The following CTBS variants were observed in gnomAD, a reference collection of about 807,000 sequenced individuals.
CTBS encodes the protein di-N-acetylchitobiase.
A neutral mutation model predicts 44.3 loss-of-function variants in CTBS; 35 were observed. The observed-to-expected ratio is 0.79, with a 90% CI of 0.60 to 1.05. The LOEUF is 1.05. CTBS is among the 50% of genes least tolerant of loss of function. The probability of loss-of-function intolerance (pLI) is 0.00; values close to 1 mark genes in which losing one functional copy is unlikely to be tolerated. For synonymous variants in CTBS, 143 were observed against 168.0 expected, an observed-to-expected ratio of 0.85 and a Z score of 1.15; for missense variants, 458 against 475.3, an observed-to-expected ratio of 0.96 and a Z score of 0.34.
Position 84,563,355 on chromosome 1 carries a change from G to A in CTBS, c.859C>T (p.Arg287Cys), listed in dbSNP as rs77922958. The change falls in exon 6 of 7, where the codon CGT (arginine) becomes TGT (cysteine). Residue 287 changes from arginine (R) to cysteine (C), a missense_variant. Transcript: ENST00000370630. ...ATGATCGTTTTGTAGGGCACCTGAC[G>A]TCCTGCAGCGTCACTACAAGGAGCC... ...RGAPCSDAAG[R>C]QVPYKTIMKQ... 132 of 1,595,156 alleles carry A rather than the reference G, an allele frequency of 8.3e-5. No homozygotes were observed. The highest frequency in any genetic ancestry group is 4.8e-4 in the East Asian group (21 of 43,440).
At chr1:84,556,946 T>C (rs1684449337) in intron 6 of CTBS, among the ~76,000 whole-genome samples, 1 of 152,208 alleles carries the variant, frequency 6.6e-6, no homozygotes, top group African/African-American at 2.4e-5. Context: ...TGACAGATTA[T>C]TGAAGATTCA....
intron 1 of CTBS, chr1:84,573,813 C>T (rs1335549850): frequency 1.5e-5 from 14 of 912,802 alleles, no homozygotes; most frequent in Non-Finnish European, 1.7e-5. Flanking sequence ...GTATAGAAAA[C>T]TAAAGGTAAG....
In CTBS at chr1:84,551,057, G is replaced by T; in HGVS notation, c.*3942C>A. On this transcript the variant is annotated 3_prime_UTR_variant, in exon 7 of 7. Transcript: ENST00000370630. The stretch of plus-strand genomic sequence containing the variant: ...GGACCTTTTGTATAGCAGATGCTTA[G>T]TAGAGGCTTCTGGGCATGCTCTATT... 3 of 985,250 alleles carry T rather than the reference G, an allele frequency of 3.0e-6. No homozygotes were observed. Among genetic ancestry groups the T allele is most frequent in the Non-Finnish European group, 2.4e-6 (2 of 829,858 alleles). The allele number at this position is 985,250 out of a possible 1,614,324, so 61.0% of individuals were successfully genotyped here.
intron 6 of CTBS, among the ~76,000 whole-genome samples, chr1:84,556,942 ATTATTGAAGAT>A (rs1684449095): frequency 6.6e-6 from 1 of 152,200 alleles, no homozygotes; most frequent in Admixed American, 6.5e-5. Flanking sequence ...AATATGACAG[ATTATTGAAGAT>A]TCAGGGGCAA....
Position 84,555,203 on chromosome 1 carries a change from T to A in CTBS, c.958-4A>T, listed in dbSNP as rs1185257545. 6.3e-7 allele frequency: 1 copy of A among 1,598,190 alleles called. No individual in the cohort carries two copies. The highest frequency in any genetic ancestry group is 1.3e-5 in the African/African-American group (1 of 74,086). Reference sequence around the variant, plus strand: ...GATGAAAGTGGCCAGCAGGATCCTATATAAATAAATTAAAATGGAGATTTT... The same window carrying A: ...GATGAAAGTGGCCAGCAGGATCCTAAATAAATAAATTAAAATGGAGATTTT... On this transcript the variant is annotated splice_polypyrimidine_tract_variant and splice_region_variant and intron_variant, in intron 6 of 6. Transcript: ENST00000370630.
chr1:84,571,187 TGG>T (rs896585602), intron 1 of CTBS, among the ~76,000 whole-genome samples: 41 of 152,062 alleles, frequency 2.7e-4, no homozygotes, highest in African/African-American at 9.9e-4. Context: ...TCAGCTGCAG[TGG>T]GAAAAGGATT....
At chr1:84,562,726 T>G (rs1352115455) in intron 6 of CTBS, among the ~76,000 whole-genome samples, 2 of 152,194 alleles carry the variant, frequency 1.3e-5, no homozygotes, top group African/African-American at 4.8e-5. Context: ...TTTCTTCAGG[T>G]TTCCTTTATG....
Position 84,549,646 on chromosome 1 carries a change from C to A in CTBS, c.*5353G>T, listed in dbSNP as rs533351974. 3 of 151,802 alleles carry A rather than the reference C, an allele frequency of 2.0e-5. No individual in the cohort carries two copies. Among genetic ancestry groups the A allele is most frequent in the African/African-American group, 7.3e-5 (3 of 41,338 alleles). The allele number at this position is 151,802 out of a possible 1,614,324, so 9.4% of individuals were successfully genotyped here. ...GAAGTTTATTTTATTATTAATTCCACCATATAATTAAATAACAGACAAAAA... is the reference window on the plus strand; with the variant it reads ...GAAGTTTATTTTATTATTAATTCCAACATATAATTAAATAACAGACAAAAA... On this transcript the variant is annotated 3_prime_UTR_variant, in exon 7 of 7. Coordinates refer to ENST00000370630, the MANE Select transcript of CTBS (RefSeq NM_004388.3).
At position 84,570,585 on chromosome 1, in the gene CTBS, T is replaced by C; in HGVS notation, c.313A>G (p.Lys105Glu). ...CATAGATCTGGAAACAACATACCTT[T>C]AAGTACTACTCTGGCTCCTTTTGAA... ...AHSKGARVVL[K>E]GDVSLKDIID... The change falls in exon 2 of 7, where the codon AAA (lysine) becomes GAA (glutamate). Residue 105 changes from lysine to glutamate, a missense_variant. By Grantham distance (56) the Lys-to-Glu change is moderately conservative. Coordinates refer to ENST00000370630, the MANE Select transcript of CTBS (RefSeq NM_004388.3). The C allele has an allele frequency of 1.2e-6, 2 of 1,610,434 alleles. No homozygotes were observed. The highest frequency in any genetic ancestry group is 8.5e-7 in the Non-Finnish European group (1 of 1,177,944).
Position 84,573,834 on chromosome 1 carries a change from T to TAA in CTBS, c.177+404_177+405insTT, listed in dbSNP as rs1647384767. On this transcript the variant is annotated intron_variant, in intron 1 of 6. Transcript: ENST00000370630. The stretch of plus-strand genomic sequence containing the variant: ...AAAACTAAAGGTAAGCAAAATACTC[T>TAA]GCATTCTAATGTACTGTTGGAGTGC... 4 of 997,820 alleles carry TAA rather than the reference T, an allele frequency of 4.0e-6. No homozygotes were observed. In the Admixed American group the frequency reaches 2.3e-4, roughly 57 times the overall value. 61.8% of individuals were successfully genotyped at this position (997,820 alleles called of 1,614,324 possible). A position where few individuals can be genotyped will look rare whatever the true frequency, so the allele number is the denominator to read the frequency against.
intron 2 of CTBS, 43 bp from the exon 3 acceptor site, chr1:84,570,182 AT>A: frequency 6.5e-7 from 1 of 1,526,996 alleles, no homozygotes; most frequent in South Asian, 1.2e-5. Flanking sequence ...ATGCAAAAAC[AT>A]TTCATTATTT....
intron 6 of CTBS, among the ~76,000 whole-genome samples, chr1:84,559,477 C>T (rs1684547144): frequency 6.6e-6 from 1 of 152,016 alleles, no homozygotes; most frequent in African/African-American, 2.4e-5. Context: ...AAAAAATTAG[C>T]CGGGCATGGT....
At chr1:84,570,168 ATGTATGC>A in intron 2 of CTBS, 29 bp from the exon 3 acceptor site, 1 of 1,565,198 alleles carries the variant, frequency 6.4e-7, no homozygotes, top group Admixed American at 1.8e-5. Context: ...TCTTTTGAAC[ATGTATGC>A]AAAAACATTT....
In CTBS at chr1:84,554,129, A is replaced by G. The variant is rs1570461708; in HGVS notation, c.*870T>C. On this transcript the variant is annotated 3_prime_UTR_variant, in exon 7 of 7. Transcript: ENST00000370630. Reference sequence around the variant, plus strand: ...CTGTCTCTACAAAAAATAAAAATAAAAAAGATACATTGCAGATGTAGAAAG... The same window carrying G: ...CTGTCTCTACAAAAAATAAAAATAAGAAAGATACATTGCAGATGTAGAAAG... 6.6e-6 allele frequency: 1 copy of G among 152,266 alleles called. No homozygotes were observed. Among genetic ancestry groups the G allele is most frequent in the East Asian group, 1.9e-4 (1 of 5,182 alleles). 9.4% of individuals were successfully genotyped at this position (152,266 alleles called of 1,614,324 possible).
chr1:84,568,003 A>G (rs1684730766), intron 3 of CTBS, among the ~76,000 whole-genome samples: 1 of 152,154 alleles, frequency 6.6e-6, no homozygotes, highest in African/African-American at 2.4e-5. Flanking sequence ...TTTTACACAC[A>G]TAACCCATTA....
At chr1:84,558,047 A>G (rs970368448) in intron 6 of CTBS, among the ~76,000 whole-genome samples, 9 of 152,184 alleles carry the variant, frequency 5.9e-5, no homozygotes, top group African/African-American at 2.2e-4. Context: ...TTCAAGACAC[A>G]AATTTTCAAT....
Position 84,550,471 on chromosome 1 carries a change from A to G in CTBS, c.*4528T>C. The G allele has an allele frequency of 6.4e-7, 1 of 1,568,414 alleles. No homozygotes were observed. The highest frequency in any genetic ancestry group is 8.6e-7 in the Non-Finnish European group (1 of 1,156,082). ...CCAGATCACTGAGGTACAGCATGCA[A>G]TTGACCAGCTTAAGAGAAAACTAGA... On this transcript the variant is annotated 3_prime_UTR_variant, in exon 7 of 7. Coordinates refer to ENST00000370630, the MANE Select transcript of CTBS (RefSeq NM_004388.3).
chr1:84,558,436 C>G (rs573023401), intron 6 of CTBS, among the ~76,000 whole-genome samples: 212 of 150,984 alleles, frequency 1.4e-3, no homozygotes, highest in African/African-American at 4.9e-3. Flanking sequence ...ACTACAGGCG[C>G]CCGCCACTAC....
chr1:84,563,885 G>A, intron 4 of CTBS, 53 bp from the exon 5 acceptor site: 2 of 1,551,456 alleles, frequency 1.3e-6, no homozygotes, highest in Non-Finnish European at 1.7e-6. Context: ...ATGTCAATGT[G>A]TTCATACAAG....
Sources: allele counts gnomAD v4.1 joint callset (sites outside exome capture counted in the v4.1 genomes callset), GRCh38; gene constraint gnomAD v4.1.1; transcripts MANE v1.5; gene names NCBI Gene and HGNC (gene_info 2026-07-23, HGNC 2026-07-21).